SLIT2: variants seen among roughly 807,000 people sequenced by gnomAD.
SLIT2 encodes the protein slit guidance ligand 2.
Under a neutral mutation model 185.7 loss-of-function variants are expected in SLIT2, and 41 were observed. The ratio of observed to expected loss-of-function variants is 0.22; its 90% CI spans 0.17 to 0.29. SLIT2 has a LOEUF of 0.29. SLIT2 is among the 10% of genes least tolerant of loss of function. The probability of loss-of-function intolerance (pLI) is 1.00; values close to 1 mark genes in which losing one functional copy is unlikely to be tolerated. For missense variants in SLIT2, 1,571 were observed against 1,909.0 expected (o/e 0.82, Z 3.30); for synonymous variants, 693 against 680.2 (o/e 1.02, Z -0.29).
intron 4 of SLIT2, among the ~76,000 whole-genome samples, chr4:20,273,260 A>G (rs1305346782): frequency 1.3e-5 from 2 of 152,134 alleles, no homozygotes; most frequent in Admixed American, 6.6e-5. Flanking sequence ...AAATTCAGAA[A>G]AAAATAGAAA....
intron 4 of SLIT2, among the ~76,000 whole-genome samples, chr4:20,289,160 T>G (rs1272897676): frequency 1.3e-5 from 2 of 152,240 alleles, no homozygotes; most frequent in African/African-American, 4.8e-5. Context: ...AGAACTTAAA[T>G]TTTAATATTT....
intron 4 of SLIT2, among the ~76,000 whole-genome samples, chr4:20,397,648 T>C (rs888327916): frequency 1.3e-5 from 2 of 151,822 alleles, no homozygotes; most frequent in African/African-American, 4.8e-5. Flanking sequence ...ATACATAATA[T>C]AGTTTTAAAT....
rs959214189 is a variant in SLIT2 at position 20,254,139 on chromosome 4, CG to C, written c.179+148del. On this transcript the variant is annotated intron_variant, in intron 1 of 36. Coordinates refer to ENST00000504154, the MANE Select transcript of SLIT2 (RefSeq NM_004787.4). This position sits in a 1 kb window ranked among gnomAD's most constrained non-coding sequence, Gnocchi z 5.1. ...ATGCACATCCTGGGGTTGAGCTCTCCGGGAGGGCACTGGCCAGGGAAGGGCC... is the reference window on the plus strand; with the variant it reads ...ATGCACATCCTGGGGTTGAGCTCTCCGGAGGGCACTGGCCAGGGAAGGGCC... The C allele has an allele frequency of 4.9e-5, 40 of 818,384 alleles. No individual in the cohort carries two copies. The highest frequency in any genetic ancestry group is 7.2e-5 in the Non-Finnish European group (38 of 527,352). 50.7% of individuals were successfully genotyped at this position (818,384 alleles called of 1,614,324 possible).
intron 4 of SLIT2, among the ~76,000 whole-genome samples, chr4:20,443,381 T>C (rs1729915017): frequency 6.6e-6 from 1 of 152,056 alleles, no homozygotes; most frequent in Non-Finnish European, 1.5e-5. Flanking sequence ...CCTTGAGGAC[T>C]AAAAGTTCAA....
chr4:20,389,152 A>T (rs1460368133), intron 4 of SLIT2, among the ~76,000 whole-genome samples: 2 of 151,180 alleles, frequency 1.3e-5, no homozygotes, highest in Admixed American at 1.3e-4. Flanking sequence ...ATCAAATGAG[A>T]TCATTTCTTT....
At chr4:20,393,664 G>A (rs1725634748) in intron 4 of SLIT2, 1 of 152,058 alleles carries the variant, frequency 6.6e-6, no homozygotes, top group South Asian at 2.1e-4. Context: ...AGCCCTGTAA[G>A]TTATGAGCTT....
At chr4:20,430,204 A>G (rs910230209) in intron 4 of SLIT2, among the ~76,000 whole-genome samples, 1 of 152,128 alleles carries the variant, frequency 6.6e-6, no homozygotes, top group Non-Finnish European at 1.5e-5. Context: ...GTTGTCATAT[A>G]TTACAGTAAT....
chr4:20,532,510 T>C (rs887029319), intron 17 of SLIT2, among the ~76,000 whole-genome samples: 3 of 152,202 alleles, frequency 2.0e-5, no homozygotes, highest in Admixed American at 2.0e-4. Flanking sequence ...TTACTACATG[T>C]CCACAACTCA....
chr4:20,380,255 T>C (rs768334041), intron 4 of SLIT2, among the ~76,000 whole-genome samples: 10 of 152,166 alleles, frequency 6.6e-5, no homozygotes, highest in African/African-American at 9.7e-5. Flanking sequence ...ACAAATCTTA[T>C]AAGCATTTCT....
At chr4:20,574,699 A>G (rs993603081) in intron 29 of SLIT2, among the ~76,000 whole-genome samples, 11 of 151,290 alleles carry the variant, frequency 7.3e-5, no homozygotes, top group African/African-American at 2.7e-4. Flanking sequence ...AAGCAGGAGA[A>G]TCGCTTGAAC....
chr4:20,337,416 G>C (rs914564816), intron 4 of SLIT2, among the ~76,000 whole-genome samples: 1 of 151,596 alleles, frequency 6.6e-6, no homozygotes, highest in Admixed American at 6.6e-5. Context: ...CTCCCACTGG[G>C]TGCCTCCCAG....
chr4:20,469,944 G>A (rs1407681518), intron 5 of SLIT2, among the ~76,000 whole-genome samples: 1 of 151,516 alleles, frequency 6.6e-6, no homozygotes, highest in Non-Finnish European at 1.5e-5. Context: ...TAGTAGAGAT[G>A]GGATTTCATC....
chr4:20,421,131 G>T (rs1381777067), intron 4 of SLIT2, among the ~76,000 whole-genome samples: 1 of 152,174 alleles, frequency 6.6e-6, no homozygotes, highest in African/African-American at 2.4e-5. Flanking sequence ...TTTTAGCCCA[G>T]ATATTAAAAT....
At position 20,484,922 on chromosome 4, in the gene SLIT2, CATT is replaced by C. The variant is rs1717062074; in HGVS notation, c.540-1277_540-1275del. Among the ~76,000 whole-genome samples, 2 of 152,118 alleles carry C rather than the reference CATT, an allele frequency of 1.3e-5. No homozygotes were observed. The highest frequency in any genetic ancestry group is 4.8e-5 in the African/African-American group (2 of 41,438). On this transcript the variant is annotated intron_variant, in intron 6 of 36. Transcript: ENST00000504154. The surrounding 1 kb of genome is among the most constrained non-coding windows in gnomAD (Gnocchi z 4.3). ...GCTTTCTTCCATCTCTCTTGCCCAT[CATT>C]GTATATTTTTGCACGTGGCCTGCTT...
chr4:20,368,290 T>A (rs1373221061), intron 4 of SLIT2, among the ~76,000 whole-genome samples: 2 of 145,774 alleles, frequency 1.4e-5, no homozygotes, highest in Non-Finnish European at 3.0e-5. Context: ...TCTAACACAG[T>A]CATCTAACAG....
At chr4:20,480,815 T>C in intron 6 of SLIT2, 28 bp downstream of exon 6, 5 of 1,547,092 alleles carry the variant, frequency 3.2e-6, no homozygotes, top group Non-Finnish European at 4.5e-6. Context: ...TCTTGCTCTT[T>C]TAACGGGGGC....
intron 4 of SLIT2, among the ~76,000 whole-genome samples, chr4:20,366,601 C>T (rs1450432280): frequency 6.6e-6 from 1 of 152,000 alleles, no homozygotes; most frequent in Admixed American, 6.6e-5. Context: ...TCTCCTTTTA[C>T]CTGTCATCAT....
intron 25 of SLIT2, among the ~76,000 whole-genome samples, chr4:20,551,406 G>A (rs1330212518): frequency 6.6e-6 from 1 of 152,186 alleles, no homozygotes; most frequent in Non-Finnish European, 1.5e-5. Flanking sequence ...CTTAGATTGG[G>A]TGAAATGGCT....
chr4:20,299,536 C>T (rs1483495112), intron 4 of SLIT2, among the ~76,000 whole-genome samples: 1 of 151,866 alleles, frequency 6.6e-6, no homozygotes, highest in Non-Finnish European at 1.5e-5. Flanking sequence ...TTTCCATATG[C>T]TGATTTTCAT....
Sources: gnomAD v4.1 joint callset for allele counts (sites outside exome capture counted in the v4.1 genomes callset) on GRCh38, gnomAD v4.1.1 for gene constraint, Gnocchi (gnomAD v3.1) non-coding constraint, MANE v1.5 for transcripts, NCBI Gene and HGNC (gene_info 2026-07-23, HGNC 2026-07-21) for gene names.